Variants in FHIT observed in about 807,000 individuals in gnomAD.
FHIT encodes the protein bis(5'-adenosyl)-triphosphatase.
Under a neutral mutation model 17.9 loss-of-function variants are expected in FHIT, and 19 were observed. The observed-to-expected ratio is 1.06, with a 90% CI of 0.74 to 1.56. FHIT has a LOEUF of 1.56. FHIT is among the 40% of genes most tolerant of loss of function. The pLI is 0.00. For missense variants in FHIT, 248 were observed against 189.2 expected (o/e 1.31, Z -1.82); for synonymous variants, 81 against 69.7 (o/e 1.16, Z -0.81).
At chr3:60,646,713 G>C (rs1490103304) in intron 4 of FHIT, among the ~76,000 whole-genome samples, 1 of 152,128 alleles carries the variant, frequency 6.6e-6, no homozygotes, top group East Asian at 1.9e-4. Flanking sequence ...TGTTACTAGA[G>C]AGCAGAGTTG....
At chr3:60,250,224 T>A (rs948753573) in intron 5 of FHIT, among the ~76,000 whole-genome samples, 9 of 152,162 alleles carry the variant, frequency 5.9e-5, no homozygotes, top group Non-Finnish European at 1.3e-4. Flanking sequence ...TAGTTTCCAA[T>A]TATCCTAGCC....
At chr3:59,970,932 T>A (rs1708150627) in intron 7 of FHIT, among the ~76,000 whole-genome samples, 1 of 132,674 alleles carries the variant, frequency 7.5e-6, no homozygotes, top group Admixed American at 7.5e-5. Context: ...AAAAAAAAAA[T>A]TCCTCCTCTT....
At chr3:59,987,353 A>C (rs1559525592) in intron 7 of FHIT, among the ~76,000 whole-genome samples, 1 of 151,808 alleles carries the variant, frequency 6.6e-6, no homozygotes, top group Non-Finnish European at 1.5e-5. Flanking sequence ...GCCAAGGATG[A>C]TCTATTAGTT....
At chr3:61,015,128 C>G (rs150476004) in intron 3 of FHIT, among the ~76,000 whole-genome samples, 15 of 152,000 alleles carry the variant, frequency 9.9e-5, no homozygotes, top group African/African-American at 3.6e-4. Context: ...TAACAATAGA[C>G]AAAGTATGTC....
In FHIT at chr3:61,022,889, C is replaced by T. The variant is rs559108667; in HGVS notation, c.-111+19158G>A. Among the ~76,000 whole-genome samples the T allele has an allele frequency of 2.7e-3, 414 of 152,232 alleles. 3 individuals are homozygous for T. Among genetic ancestry groups the T allele is most frequent in the African/African-American group, 9.6e-3 (399 of 41,534 alleles). On this transcript the variant is annotated intron_variant, in intron 3 of 9. Coordinates refer to ENST00000492590, the MANE Select transcript of FHIT (RefSeq NM_002012.4). Reference sequence around the variant, plus strand: ...TATGACAAACCTACAGCCAATATCCCACCAAATGAGCAAAAGCTGGAAGCA... The same window carrying T: ...TATGACAAACCTACAGCCAATATCCTACCAAATGAGCAAAAGCTGGAAGCA...
At chr3:60,866,101 C>T (rs1357827656) in intron 3 of FHIT, among the ~76,000 whole-genome samples, 1 of 152,216 alleles carries the variant, frequency 6.6e-6, no homozygotes, top group South Asian at 2.1e-4. Flanking sequence ...GCCACAAATA[C>T]ACTGAGGGTT....
intron 4 of FHIT, among the ~76,000 whole-genome samples, chr3:60,743,588 T>C (rs2042282264): frequency 6.6e-6 from 1 of 152,204 alleles, no homozygotes; most frequent in Non-Finnish European, 1.5e-5. Context: ...ATTTCTGGCT[T>C]CTCTTTGAAA....
At chr3:60,539,605 G>A (rs1346026284) in intron 4 of FHIT, among the ~76,000 whole-genome samples, 2 of 152,180 alleles carry the variant, frequency 1.3e-5, no homozygotes, top group Non-Finnish European at 2.9e-5. Flanking sequence ...GGAATACTAT[G>A]CAGCCATAAA....
intron 7 of FHIT, among the ~76,000 whole-genome samples, chr3:59,967,946 A>G (rs1161882574): frequency 6.6e-6 from 1 of 152,148 alleles, no homozygotes; most frequent in East Asian, 1.9e-4. Flanking sequence ...AAGAATCAGG[A>G]TATCTGCAAG....
At chr3:60,159,961 C>A (rs986418970) in intron 5 of FHIT, among the ~76,000 whole-genome samples, 2 of 152,132 alleles carry the variant, frequency 1.3e-5, no homozygotes, top group African/African-American at 4.8e-5. Context: ...TGCCTTGTTC[C>A]AAATACAAAC....
chr3:60,390,396 T>TAAAAAAAAAAAAAAA (rs869078939), intron 5 of FHIT, among the ~76,000 whole-genome samples: 12 of 32,030 alleles, frequency 3.7e-4, no homozygotes, highest in African/African-American at 1.5e-3. Flanking sequence ...GTAATGGAGC[T>TAAAAAAAAAAAAAAA]AAAAAAAAAA....
intron 9 of FHIT, chr3:59,750,107 A>C (rs1404331464): frequency 4.4e-6 from 1 of 226,728 alleles, no homozygotes; most frequent in Non-Finnish European, 8.8e-6. Flanking sequence ...AAGGGAAGTC[A>C]ATTTACCTGG....
chr3:60,523,042 G>C (rs2035433634), intron 5 of FHIT, among the ~76,000 whole-genome samples: 1 of 152,100 alleles, frequency 6.6e-6, no homozygotes, highest in Admixed American at 6.6e-5. Context: ...AGTGAAAGGG[G>C]AAACTCCTTA....
At chr3:61,161,114 C>A (rs2037677915) in intron 2 of FHIT, among the ~76,000 whole-genome samples, 1 of 148,092 alleles carries the variant, frequency 6.8e-6, no homozygotes, top group Non-Finnish European at 1.5e-5. Flanking sequence ...TAACTTTTTC[C>A]TTTTAACTGA....
rs1427248877 is a variant in FHIT, at chr3:59,840,871, A to C, written c.348+81475T>G. Among the ~76,000 whole-genome samples, 4 of 152,242 alleles carry C rather than the reference A, an allele frequency of 2.6e-5. No individual in the cohort carries two copies. The East Asian group carries it at 7.7e-4, about 29-fold the overall frequency. ...TGATGATAATAACAGCCCTGGGCTCATAGGGTTGTTGTGAGGTTTAAATGA... is the reference window on the plus strand; with the variant it reads ...TGATGATAATAACAGCCCTGGGCTCCTAGGGTTGTTGTGAGGTTTAAATGA... On this transcript the variant is annotated intron_variant, in intron 8 of 9. Coordinates refer to ENST00000492590, the MANE Select transcript of FHIT (RefSeq NM_002012.4).
At chr3:59,825,994 C>G (rs1198344634) in intron 8 of FHIT, among the ~76,000 whole-genome samples, 4 of 152,326 alleles carry the variant, frequency 2.6e-5, no homozygotes, top group African/African-American at 9.6e-5. Flanking sequence ...ATATTGACAG[C>G]TGAAACTCAC....
At chr3:60,562,913 G>A (rs1222765688) in intron 4 of FHIT, among the ~76,000 whole-genome samples, 1 of 152,160 alleles carries the variant, frequency 6.6e-6, no homozygotes, top group East Asian at 1.9e-4. Context: ...AGGTCCTCAA[G>A]ATCCTCTAAA....
intron 4 of FHIT, among the ~76,000 whole-genome samples, chr3:60,572,180 GCAATATCTC>G (rs1038318165): frequency 1.3e-5 from 2 of 152,088 alleles, no homozygotes; most frequent in African/African-American, 4.8e-5. Context: ...GAAAGTTGAT[GCAATATCTC>G]CAATATCAAG....
At chr3:60,288,628 C>T (rs1199154359) in intron 5 of FHIT, among the ~76,000 whole-genome samples, 4 of 149,928 alleles carry the variant, frequency 2.7e-5, no homozygotes, top group African/African-American at 4.9e-5. Context: ...GGTGTGTGCA[C>T]GCACACATGC....
Sources: gnomAD v4.1 joint callset for allele counts (sites outside exome capture counted in the v4.1 genomes callset) on GRCh38, gnomAD v4.1.1 for gene constraint, MANE v1.5 for transcripts, NCBI Gene and HGNC (gene_info 2026-07-23, HGNC 2026-07-21) for gene names.